The following SPMIP11 variants were observed in gnomAD, a reference collection of about 807,000 sequenced individuals.
The protein encoded by SPMIP11 is sperm microtubule inner protein 11, also known as long intergenic non-protein coding RNA 935.
chr12:48,769,009 C>T, the SPMIP11 span: 4 of 1,613,966 alleles, frequency 2.5e-6, no homozygotes, highest in Non-Finnish European at 2.5e-6. Context: ...AGATGTCATA[C>T]TGTGGCTTCC....
the SPMIP11 span, among the ~76,000 whole-genome samples, chr12:48,739,162 T>C: frequency 6.6e-6 from 1 of 152,172 alleles, no homozygotes; most frequent in Non-Finnish European, 1.5e-5. Flanking sequence ...TTCTCAGTGA[T>C]TACTCACCTC....
the SPMIP11 span, among the ~76,000 whole-genome samples, chr12:48,752,589 G>T: frequency 2.6e-5 from 4 of 152,110 alleles, no homozygotes; most frequent in South Asian, 8.3e-4. Context: ...TCCTGCCCAG[G>T]GAAGCACAAT....
At chr12:48,764,759 G>T in the SPMIP11 span, 1 of 642,446 alleles carries the variant, frequency 1.6e-6, no homozygotes, top group South Asian at 1.7e-5. Flanking sequence ...AGCAGTTGCT[G>T]GGCTGGGCTG....
chr12:48,747,498 A>G, the SPMIP11 span, among the ~76,000 whole-genome samples: 2 of 152,178 alleles, frequency 1.3e-5, no homozygotes, highest in African/African-American at 4.8e-5. Flanking sequence ...CCAGCCTTGA[A>G]ATTCATCTCC....
chr12:48,763,705 G>A, the SPMIP11 span, among the ~76,000 whole-genome samples: 5 of 139,676 alleles, frequency 3.6e-5, no homozygotes, highest in Non-Finnish European at 6.1e-5. Context: ...TTTTGAGACA[G>A]TCTCGCTCTG....
the SPMIP11 span, among the ~76,000 whole-genome samples, chr12:48,738,437 C>T: frequency 6.6e-6 from 1 of 152,080 alleles, no homozygotes; most frequent in Non-Finnish European, 1.5e-5. Flanking sequence ...GCCCCAGTTT[C>T]TCTGTGGGTA....
At chr12:48,728,615 G>A in the SPMIP11 span, among the ~76,000 whole-genome samples, 2 of 150,654 alleles carry the variant, frequency 1.3e-5, no homozygotes, top group Non-Finnish European at 2.9e-5. Flanking sequence ...GGCTGAGGCA[G>A]GAGAATGGTG....
At chr12:48,768,461 TG>T in the SPMIP11 span, 1 of 1,349,872 alleles carries the variant, frequency 7.4e-7, no homozygotes, top group East Asian at 2.4e-5. Flanking sequence ...CACAGCCTGC[TG>T]GGATGTTCCC....
chr12:48,756,380 C>T, the SPMIP11 span, among the ~76,000 whole-genome samples: 2 of 152,286 alleles, frequency 1.3e-5, no homozygotes, highest in Admixed American at 6.5e-5. Context: ...TGTTGCTTCT[C>T]CAAGTCCTCA....
the SPMIP11 span, among the ~76,000 whole-genome samples, chr12:48,745,153 C>T: frequency 2.6e-5 from 4 of 151,060 alleles, no homozygotes; most frequent in African/African-American, 9.7e-5. Flanking sequence ...CGCCTGTAGT[C>T]CCAGCTACTT....
the SPMIP11 span, among the ~76,000 whole-genome samples, chr12:48,758,567 T>G: frequency 1.3e-5 from 2 of 152,234 alleles, no homozygotes; most frequent in Non-Finnish European, 2.9e-5. Flanking sequence ...ACTAGTCTAT[T>G]CAGCCTCTAT....
the SPMIP11 span, among the ~76,000 whole-genome samples, chr12:48,729,269 C>T: frequency 4.6e-5 from 7 of 151,980 alleles, no homozygotes; most frequent in African/African-American, 1.5e-4. Context: ...GGCGCGGTGG[C>T]TCACGCCTGT....
At chr12:48,747,233 C>T in the SPMIP11 span, among the ~76,000 whole-genome samples, 1 of 152,052 alleles carries the variant, frequency 6.6e-6, no homozygotes, top group Non-Finnish European at 1.5e-5. Context: ...AAGTGATCCT[C>T]CTGCCTCATC....
chr12:48,741,121 A>G, the SPMIP11 span, among the ~76,000 whole-genome samples: 2 of 139,776 alleles, frequency 1.4e-5, no homozygotes, highest in Non-Finnish European at 3.0e-5. Flanking sequence ...TTGCCCAGGC[A>G]TACAATGGCT....
At chr12:48,767,232 C>A in the SPMIP11 span, 40 of 152,834 alleles carry the variant, frequency 2.6e-4, no homozygotes, top group African/African-American at 9.4e-4. Flanking sequence ...TGGCATGGAG[C>A]ACTGGGGCTT....
the SPMIP11 span, chr12:48,765,509 G>A: frequency 7.3e-6 from 5 of 683,016 alleles, no homozygotes; most frequent in East Asian, 2.7e-5. Flanking sequence ...GATTACAGGC[G>A]TGAGCCACCG....
At chr12:48,751,753 A>G in the SPMIP11 span, among the ~76,000 whole-genome samples, 1 of 151,684 alleles carries the variant, frequency 6.6e-6, no homozygotes, top group Non-Finnish European at 1.5e-5. Flanking sequence ...TATTGTAGAG[A>G]CTGCACAATA....
the SPMIP11 span, chr12:48,768,917 C>T: frequency 1.9e-6 from 3 of 1,597,182 alleles, no homozygotes; most frequent in South Asian, 1.1e-5. Flanking sequence ...CCTCCCAGCC[C>T]CTGCTCATAT....
chr12:48,754,990 G>T, the SPMIP11 span, among the ~76,000 whole-genome samples: 1 of 150,034 alleles, frequency 6.7e-6, no homozygotes, highest in Admixed American at 6.6e-5. Context: ...AGATTTCTGG[G>T]AGGCACAAAG....
Sources: gnomAD v4.1 joint callset for allele counts (sites outside exome capture counted in the v4.1 genomes callset) on GRCh38, gnomAD v4.1.1 for gene constraint, MANE v1.5 for transcripts, NCBI Gene and HGNC (gene_info 2026-07-23, HGNC 2026-07-21) for gene names.